The following HS3ST4 variants were observed in gnomAD, a reference collection of about 807,000 sequenced individuals.
HS3ST4 encodes heparan sulfate glucosamine 3-O-sulfotransferase 4.
A neutral mutation model predicts 29.2 loss-of-function variants in HS3ST4; 17 were observed. The ratio of observed to expected loss-of-function variants is 0.58; its 90% CI spans 0.40 to 0.87. The LOEUF is 0.87. HS3ST4 is among the 40% of genes least tolerant of loss of function. HS3ST4 has a pLI of 0.00. For missense variants in HS3ST4, 627 were observed against 634.5 expected (o/e 0.99, Z 0.13); for synonymous variants, 314 against 285.7 (o/e 1.10, Z -1.00).
In HS3ST4 at chr16:25,853,297, T is replaced by A. The variant is rs534611834; in HGVS notation, c.734+160146T>A. ...AGATTTTTGGTGAAATCTTTGTGAG[T>A]GTGTGTGTGTGTGTGTATATATATA... is the stretch of plus-strand genomic sequence containing the variant. On this transcript the variant is annotated intron_variant, in intron 1 of 1. Coordinates refer to ENST00000331351, the MANE Select transcript of HS3ST4 (RefSeq NM_006040.3). Among the ~76,000 whole-genome samples the A allele has an allele frequency of 5.0e-3, 538 of 107,596 alleles. 3 individuals carry two copies. Among genetic ancestry groups the A allele is most frequent in the Non-Finnish European group, 8.6e-3 (427 of 49,478 alleles). 70.6% of individuals were successfully genotyped at this position (107,596 alleles called of 152,430 possible).
chr16:25,908,065 G>A (rs969944001), intron 1 of HS3ST4, among the ~76,000 whole-genome samples: 8 of 152,186 alleles, frequency 5.3e-5, no homozygotes, highest in East Asian at 1.9e-4. Context: ...AAGAGGGGAG[G>A]GGGAGAATGA....
intron 1 of HS3ST4, among the ~76,000 whole-genome samples, chr16:25,803,616 T>C (rs138413606): frequency 1.1e-3 from 173 of 152,286 alleles, no homozygotes; most frequent in African/African-American, 4.0e-3. Flanking sequence ...TCATGAGAAG[T>C]AAATGAAGAC....
chr16:26,135,684 G>T lies in HS3ST4; in HGVS notation c.807G>T (p.Glu269Asp). ...CTCCAAGTTACTTTGTGACAAATGA[G>T]GCTCCCAAGCGCATTCACTCCATGG... ...EKTPSYFVTNEAPKRIHSMAK... is the reference protein window; with the variant it reads ...EKTPSYFVTNDAPKRIHSMAK... Residue 269 changes from glutamate to aspartate, a missense_variant, in exon 2 of 2, where the codon GAG becomes GAT. Transcript: ENST00000331351. The T allele has an allele frequency of 6.2e-7, 1 of 1,613,818 alleles. No homozygotes were observed. Among genetic ancestry groups the T allele is most frequent in the African/African-American group, 1.3e-5 (1 of 75,036 alleles).
intron 1 of HS3ST4, among the ~76,000 whole-genome samples, chr16:25,958,280 T>A (rs1461541975): frequency 6.6e-6 from 1 of 152,126 alleles, no homozygotes; most frequent in Non-Finnish European, 1.5e-5. Flanking sequence ...ATAATAACAG[T>A]CATATTTTTG....
rs144333055 is a variant in HS3ST4, at chr16:26,114,628, G to A, written c.735-20984G>A. On this transcript the variant is annotated intron_variant, in intron 1 of 1. Coordinates refer to ENST00000331351, the MANE Select transcript of HS3ST4 (RefSeq NM_006040.3). ...GCCCCTGCAACAGGGAGCAGAGCAG[G>A]GAGGTGTCCTGTCAGTTGGAGAAAA... 9.8e-3 allele frequency among the ~76,000 whole-genome samples: 1,500 copies of A among 152,322 alleles called. 10 individuals are homozygous for A. Among genetic ancestry groups the A allele is most frequent in the Non-Finnish European group, 0.016 (1,064 of 68,026 alleles).
At chr16:25,885,524 A>G (rs1186749656) in intron 1 of HS3ST4, among the ~76,000 whole-genome samples, 1 of 152,120 alleles carries the variant, frequency 6.6e-6, no homozygotes, top group Non-Finnish European at 1.5e-5. Context: ...TTAAGTTTCA[A>G]AAAAGGAAGG....
intron 1 of HS3ST4, among the ~76,000 whole-genome samples, chr16:26,083,642 C>G (rs1174530497): frequency 6.6e-6 from 1 of 152,104 alleles, no homozygotes; most frequent in Non-Finnish European, 1.5e-5. Context: ...AAAGCAGATG[C>G]TGGGCCATAT....
chr16:25,999,888 A>ATAT (rs1555477409), intron 1 of HS3ST4, among the ~76,000 whole-genome samples: 6 of 126,138 alleles, frequency 4.8e-5, no homozygotes, highest in South Asian at 2.2e-4. Flanking sequence ...TATATTATAT[A>ATAT]TATATATTTT....
intron 1 of HS3ST4, among the ~76,000 whole-genome samples, chr16:26,083,097 G>C (rs1347802128): frequency 6.6e-6 from 1 of 152,148 alleles, no homozygotes; most frequent in Non-Finnish European, 1.5e-5. Context: ...GCTCTCCCTC[G>C]TCTGCTTCTG....
intron 1 of HS3ST4, among the ~76,000 whole-genome samples, chr16:26,053,423 T>C (rs1898368841): frequency 6.6e-6 from 1 of 152,114 alleles, no homozygotes; most frequent in African/African-American, 2.4e-5. Flanking sequence ...TTCCAGAAGA[T>C]TTAAGCAATA....
intron 1 of HS3ST4, among the ~76,000 whole-genome samples, chr16:26,025,499 C>T (rs987606237): frequency 6.6e-6 from 1 of 152,168 alleles, no homozygotes; most frequent in East Asian, 1.9e-4. Flanking sequence ...ACTCCAGCCA[C>T]TTTGTTTGAA....
intron 1 of HS3ST4, among the ~76,000 whole-genome samples, chr16:26,035,842 T>C (rs1969577735): frequency 6.6e-6 from 1 of 152,196 alleles, no homozygotes; most frequent in Non-Finnish European, 1.5e-5. Flanking sequence ...TATCTCCTTG[T>C]TCCTATGATA....
At chr16:25,967,563 TC>T (rs1483991311) in intron 1 of HS3ST4, among the ~76,000 whole-genome samples, 1 of 152,254 alleles carries the variant, frequency 6.6e-6, no homozygotes, top group Non-Finnish European at 1.5e-5. Flanking sequence ...TACAAAATTG[TC>T]CGCCAGTCTT....
chr16:25,725,517 A>G (rs997470346), intron 1 of HS3ST4, among the ~76,000 whole-genome samples: 3 of 152,144 alleles, frequency 2.0e-5, no homozygotes, highest in East Asian at 3.8e-4. Flanking sequence ...ACCCAGTGAT[A>G]TATGCCAGAG....
chr16:26,009,313 C>T (rs966921642), intron 1 of HS3ST4, among the ~76,000 whole-genome samples: 1 of 152,090 alleles, frequency 6.6e-6, no homozygotes, highest in African/African-American at 2.4e-5. Flanking sequence ...TTGTCTTTCC[C>T]AATAGATTCT....
At chr16:25,734,483 A>G (rs1441592271) in intron 1 of HS3ST4, among the ~76,000 whole-genome samples, 1 of 151,864 alleles carries the variant, frequency 6.6e-6, no homozygotes, top group Non-Finnish European at 1.5e-5. Context: ...CCTAACTCCC[A>G]CCTCCAGGGT....
chr16:25,895,813 C>A (rs1238395957), intron 1 of HS3ST4, among the ~76,000 whole-genome samples: 1 of 152,082 alleles, frequency 6.6e-6, no homozygotes, highest in Non-Finnish European at 1.5e-5. Flanking sequence ...TTCCTGAGGG[C>A]CCCCATGACC....
intron 1 of HS3ST4, among the ~76,000 whole-genome samples, chr16:26,117,746 A>T (rs1899219276): frequency 6.6e-6 from 1 of 152,224 alleles, no homozygotes; most frequent in African/African-American, 2.4e-5. Context: ...GTGAGTGTGT[A>T]TGCTTGTGAA....
intron 1 of HS3ST4, among the ~76,000 whole-genome samples, chr16:26,038,876 G>A (rs2141757485): frequency 6.6e-6 from 1 of 152,034 alleles, no homozygotes; most frequent in Admixed American, 6.6e-5. Flanking sequence ...GTAGAGACGG[G>A]GTTTCACTGT....
Sources: allele counts gnomAD v4.1 joint callset (sites outside exome capture counted in the v4.1 genomes callset), GRCh38; gene constraint gnomAD v4.1.1; transcripts MANE v1.5; gene names NCBI Gene and HGNC (gene_info 2026-07-23, HGNC 2026-07-21).